KPNA3: variants seen among roughly 807,000 people sequenced by gnomAD.
The protein encoded by KPNA3 is importin subunit alpha-4.
A neutral mutation model predicts 73.8 loss-of-function variants in KPNA3; 13 were observed. The ratio of observed to expected loss-of-function variants is 0.18; its 90% CI spans 0.11 to 0.28. KPNA3 has a LOEUF of 0.28. KPNA3 is among the 10% of genes least tolerant of loss of function. The pLI is 1.00. For missense variants in KPNA3, 360 were observed against 618.1 expected (o/e 0.58, Z 4.43); for synonymous variants, 186 against 206.9 (o/e 0.90, Z 0.87).
At chr13:49,741,432 G>A (rs1954572747) in intron 2 of KPNA3, among the ~76,000 whole-genome samples, 1 of 150,918 alleles carries the variant, frequency 6.6e-6, no homozygotes, top group Admixed American at 6.6e-5. Flanking sequence ...TATGTTTTGA[G>A]AATGTTTATT....
chr13:49,781,014 G>T (rs754812082), intron 1 of KPNA3, among the ~76,000 whole-genome samples: 3 of 152,084 alleles, frequency 2.0e-5, no homozygotes, highest in Non-Finnish European at 4.4e-5. Flanking sequence ...AGGCCACCGC[G>T]TCCAGCCAGA....
At chr13:49,772,903 A>G (rs773526015) in intron 1 of KPNA3, among the ~76,000 whole-genome samples, 5 of 152,224 alleles carry the variant, frequency 3.3e-5, no homozygotes, top group Non-Finnish European at 5.9e-5. Flanking sequence ...TACTGATCCA[A>G]AAGACATACA....
At chr13:49,781,439 CTG>C (rs1654593911) in intron 1 of KPNA3, among the ~76,000 whole-genome samples, 1 of 152,090 alleles carries the variant, frequency 6.6e-6, no homozygotes, top group Admixed American at 6.6e-5. Flanking sequence ...TTTTCTTCCT[CTG>C]TATAATGTAA....
At chr13:49,762,937 A>AAAAAAAC (rs1555307135) in intron 1 of KPNA3, among the ~76,000 whole-genome samples, 1 of 146,136 alleles carries the variant, frequency 6.8e-6, no homozygotes, top group Non-Finnish European at 1.5e-5. Context: ...CAAAAAAAGA[A>AAAAAAAC]GAGGAGAGGT....
intron 1 of KPNA3, among the ~76,000 whole-genome samples, chr13:49,751,913 C>A (rs760560692): frequency 2.0e-5 from 3 of 152,094 alleles, no homozygotes; most frequent in Non-Finnish European, 2.9e-5. Flanking sequence ...CCAAAACAAG[C>A]AAACAAACGA....
intron 1 of KPNA3, among the ~76,000 whole-genome samples, chr13:49,787,232 A>T (rs1036799700): frequency 6.6e-6 from 1 of 152,210 alleles, no homozygotes; most frequent in Non-Finnish European, 1.5e-5. Flanking sequence ...ACGGATTATC[A>T]TTTTTTGGTA....
chr13:49,748,476 GGTA>G, intron 1 of KPNA3, among the ~76,000 whole-genome samples: 1 of 151,588 alleles, frequency 6.6e-6, no homozygotes. Context: ...ATATGATCAT[GGTA>G]TATTATTATT....
intron 1 of KPNA3, among the ~76,000 whole-genome samples, chr13:49,778,252 A>G (rs1038017414): frequency 2.0e-5 from 3 of 152,366 alleles, no homozygotes; most frequent in African/African-American, 7.2e-5. Flanking sequence ...ATCTAAATGG[A>G]GGTGTAAACA....
At position 49,699,685 on chromosome 13, in the gene KPNA3, T is replaced by A. The variant is rs1954130337; in HGVS notation, c.*2115A>T. The A allele has an allele frequency of 6.6e-6, 1 of 152,628 alleles. No individual in the cohort carries two copies. Among genetic ancestry groups the A allele is most frequent in the African/African-American group, 2.4e-5 (1 of 41,454 alleles). The allele number at this position is 152,628 out of a possible 1,614,324, so 9.5% of individuals were successfully genotyped here. A position where few individuals can be genotyped will look rare whatever the true frequency, so the allele number is the denominator to read the frequency against. On this transcript the variant is annotated 3_prime_UTR_variant, in exon 17 of 17. Coordinates refer to ENST00000261667, the MANE Select transcript of KPNA3 (RefSeq NM_002267.4). ...CATCACAGTAGAGGCCCAATTTTAA[T>A]CATAATGTGTGCAAATTTTAAAAGG...
At chr13:49,710,075 C>A (rs1430978049) in intron 11 of KPNA3, among the ~76,000 whole-genome samples, 2 of 152,074 alleles carry the variant, frequency 1.3e-5, no homozygotes, top group African/African-American at 4.8e-5. Flanking sequence ...CCAGCCTGGG[C>A]AACATAGTGA....
chr13:49,720,874 T>G (rs1259054206), intron 9 of KPNA3, among the ~76,000 whole-genome samples: 1 of 152,032 alleles, frequency 6.6e-6, no homozygotes, highest in African/African-American at 2.4e-5. Context: ...ATTAGTAGAT[T>G]TAACAAAAAA....
intron 1 of KPNA3, among the ~76,000 whole-genome samples, chr13:49,747,213 C>T (rs1954624133): frequency 6.6e-6 from 1 of 152,018 alleles, no homozygotes; most frequent in Non-Finnish European, 1.5e-5. Context: ...GGCTTGGTGG[C>T]AGGCACCTGT....
chr13:49,711,106 A>G, intron 10 of KPNA3, 84 bp from the exon 11 acceptor site: 1 of 1,318,616 alleles, frequency 7.6e-7, no homozygotes, highest in Non-Finnish European at 1.0e-6. Context: ...GTAGTGACAG[A>G]AAAAGTAACC....
At chr13:49,711,099 G>C (rs1431216193) in intron 10 of KPNA3, 77 bp from the exon 11 acceptor site, 2 of 1,381,892 alleles carry the variant, frequency 1.4e-6, no homozygotes, top group East Asian at 2.5e-5. Context: ...CTCAGGAGTA[G>C]TGACAGAAAA....
chr13:49,702,658 C>T (rs1384342645), intron 15 of KPNA3, among the ~76,000 whole-genome samples, 178 bp from the exon 16 acceptor site: 6 of 152,048 alleles, frequency 3.9e-5, no homozygotes, highest in Admixed American at 3.9e-4. Context: ...AGTTGGAGGA[C>T]CAGAATCCCA....
Position 49,732,498 on chromosome 13 carries a change from A to G in KPNA3, c.288-32T>C, listed in dbSNP as rs767543252. 4.7e-6 allele frequency: 7 copies of G among 1,488,778 alleles called. No individual in the cohort carries two copies. In the African/African-American group the frequency reaches 5.6e-5, roughly 12 times the overall value. The allele number at this position is 1,488,778 out of a possible 1,614,324, so 92.2% of individuals were successfully genotyped here. ...AAATAAATATGAGAAATTAATTGCT[A>G]TAATTTTCAAACTGTGAAAAGAAAT... On this transcript the variant is annotated intron_variant, in intron 5 of 16. Coordinates refer to ENST00000261667, the MANE Select transcript of KPNA3 (RefSeq NM_002267.4).
intron 1 of KPNA3, among the ~76,000 whole-genome samples, chr13:49,757,732 C>T (rs966061827): frequency 2.0e-5 from 3 of 152,034 alleles, no homozygotes; most frequent in African/African-American, 7.3e-5. Flanking sequence ...CAAATGTTTA[C>T]AACAGCTTTA....
At chr13:49,737,112 T>A (rs1594443406) in intron 2 of KPNA3, among the ~76,000 whole-genome samples, 1 of 152,156 alleles carries the variant, frequency 6.6e-6, no homozygotes, top group Non-Finnish European at 1.5e-5. Flanking sequence ...TTAAAGGCCA[T>A]CTGTGTTGTT....
At chr13:49,723,568 C>CAAA (rs569484021) in intron 7 of KPNA3, among the ~76,000 whole-genome samples, 1 of 133,456 alleles carries the variant, frequency 7.5e-6, no homozygotes, top group African/African-American at 2.8e-5. Context: ...GACTCTGTCT[C>CAAA]AAAAAAAAAA....
Sources: allele counts gnomAD v4.1 joint callset (sites outside exome capture counted in the v4.1 genomes callset), GRCh38; gene constraint gnomAD v4.1.1; transcripts MANE v1.5; gene names NCBI Gene and HGNC (gene_info 2026-07-23, HGNC 2026-07-21).